HTR1E: variants seen among roughly 807,000 people sequenced by gnomAD.
HTR1E encodes the protein 5-hydroxytryptamine receptor 1E.
A neutral mutation model predicts 3.4 loss-of-function variants in HTR1E; 3 were observed. The ratio of observed to expected loss-of-function variants is 0.89; its 90% confidence interval spans 0.41 to 2.31. HTR1E has a LOEUF of 2.31. HTR1E is among the 30% of genes most tolerant of loss of function. HTR1E has a pLI of 0.05. For synonymous variants in HTR1E, 170 were observed against 182.8 expected (o/e 0.93, Z 0.56); for missense variants, 392 against 467.0 (o/e 0.84, Z 1.48).
intron 1 of HTR1E, among the ~76,000 whole-genome samples, chr6:86,981,799 A>T (rs535982999): frequency 1.3e-5 from 2 of 152,356 alleles, no homozygotes; most frequent in African/African-American, 4.8e-5. Context: ...AAATTAACCA[A>T]AGACACTACC....
intron 1 of HTR1E, among the ~76,000 whole-genome samples, chr6:86,978,992 C>T (rs1323904359): frequency 6.6e-6 from 1 of 152,156 alleles, no homozygotes; most frequent in African/African-American, 2.4e-5. Flanking sequence ...TGTTCTTTGA[C>T]AGCAATGTAC....
intron 1 of HTR1E, among the ~76,000 whole-genome samples, chr6:87,010,365 C>T (rs1168733473): frequency 3.3e-5 from 4 of 119,640 alleles, no homozygotes; most frequent in African/African-American, 6.4e-5. Flanking sequence ...GGGCGGGGGG[C>T]TGACCCCCCC....
rs549206096 is a variant in HTR1E at position 86,984,753 on chromosome 6, T to C, written c.-185-30397T>C. Among the ~76,000 whole-genome samples, 16 of 152,330 alleles carry C rather than the reference T, an allele frequency of 1.1e-4. No individual in the cohort carries two copies. The East Asian group carries it at 2.5e-3, about 24-fold the overall frequency. On this transcript the variant is annotated intron_variant, in intron 1 of 1. Transcript: ENST00000305344. ...GGTCCCACAGGGTCTCATAATCTTC[T>C]GCATTTTGCCAGTGGAAGAAGAAAG...
chr6:87,014,119 G>T (rs1281491632), intron 1 of HTR1E, among the ~76,000 whole-genome samples: 1 of 152,040 alleles, frequency 6.6e-6, no homozygotes, highest in Non-Finnish European at 1.5e-5. Context: ...GTGGGGTCGG[G>T]GGACGGGGGA....
chr6:86,987,327 G>A (rs1767803298), intron 1 of HTR1E, among the ~76,000 whole-genome samples: 2 of 152,030 alleles, frequency 1.3e-5, no homozygotes, highest in Admixed American at 1.3e-4. Flanking sequence ...GCTCTCCAAG[G>A]CACACAAGTC....
At chr6:86,946,431 A>G (rs746141228) in intron 1 of HTR1E, among the ~76,000 whole-genome samples, 5 of 152,250 alleles carry the variant, frequency 3.3e-5, no homozygotes, top group Non-Finnish European at 7.3e-5. Flanking sequence ...CACATAGCCT[A>G]GGTGTGCAGT....
intron 1 of HTR1E, among the ~76,000 whole-genome samples, chr6:86,961,648 G>A (rs534203624): frequency 1.3e-5 from 2 of 152,344 alleles, no homozygotes; most frequent in South Asian, 4.1e-4. Context: ...CTCTGACTCG[G>A]TGAAGAAACA....
chr6:86,954,379 G>GT (rs1400343528), intron 1 of HTR1E, among the ~76,000 whole-genome samples: 1 of 152,130 alleles, frequency 6.6e-6, no homozygotes, highest in Non-Finnish European at 1.5e-5. Flanking sequence ...CTAGAGGCCT[G>GT]CCCCACAAAT....
At chr6:87,007,220 C>A (rs1582283045) in intron 1 of HTR1E, among the ~76,000 whole-genome samples, 1 of 152,128 alleles carries the variant, frequency 6.6e-6, no homozygotes. Context: ...ATAAGCCAGG[C>A]ACAGGAAGAC....
In HTR1E at chr6:86,961,912, T is replaced by C. The variant is rs192026058; in HGVS notation, c.-186+24089T>C. Among the ~76,000 whole-genome samples the C allele has an allele frequency of 2.1e-3, 319 of 152,356 alleles. 1 individual carries two copies. Among genetic ancestry groups the C allele is most frequent in the South Asian group, 0.017 (82 of 4,826 alleles). On this transcript the variant is annotated intron_variant, in intron 1 of 1. Transcript: ENST00000305344. Reference sequence around the variant, plus strand: ...GCAGAACTTCATCTGAGTAATCCCTTTTAAATCTGAGCCCTCCAGTTACTC... The same window carrying C: ...GCAGAACTTCATCTGAGTAATCCCTCTTAAATCTGAGCCCTCCAGTTACTC...
intron 1 of HTR1E, among the ~76,000 whole-genome samples, chr6:86,994,974 A>G (rs915400271): frequency 6.6e-6 from 1 of 152,176 alleles, no homozygotes; most frequent in South Asian, 2.1e-4. Context: ...AGCTCTACAA[A>G]GAGGTAAATC....
rs201218963 is a variant in HTR1E at position 86,964,298 on chromosome 6, C to CT, written c.-186+26477dup. Among the ~76,000 whole-genome samples the CT allele has an allele frequency of 1.4e-4, 21 of 146,730 alleles. No homozygotes were observed. In the East Asian group the frequency reaches 4.3e-3, roughly 30 times the overall value. On this transcript the variant is annotated intron_variant, in intron 1 of 1. Transcript: ENST00000305344. ...CAAATCAGGAATATTTACAATTATC[C>CT]TTAAAAATCCTACATATTGCTCATA... is the stretch of plus-strand genomic sequence containing the variant.
intron 1 of HTR1E, among the ~76,000 whole-genome samples, chr6:86,943,404 G>A (rs1451414697): frequency 6.6e-6 from 1 of 152,174 alleles, no homozygotes; most frequent in Non-Finnish European, 1.5e-5. Context: ...TGAAGCACAG[G>A]CCCAACTCTA....
At chr6:86,960,506 G>A (rs1767390697) in intron 1 of HTR1E, among the ~76,000 whole-genome samples, 1 of 151,686 alleles carries the variant, frequency 6.6e-6, no homozygotes, top group South Asian at 2.1e-4. Flanking sequence ...ATTCCACCTG[G>A]TGAACTTCAC....
intron 1 of HTR1E, among the ~76,000 whole-genome samples, chr6:86,995,325 A>AATAAATAAATAT (rs1225538770): frequency 4.0e-5 from 6 of 150,388 alleles, no homozygotes; most frequent in African/African-American, 1.5e-4. Context: ...TAAATAAATA[A>AATAAATAAATAT]AGGTCTACAT....
At chr6:86,945,675 A>G (rs1768606058) in intron 1 of HTR1E, among the ~76,000 whole-genome samples, 1 of 152,188 alleles carries the variant, frequency 6.6e-6, no homozygotes, top group African/African-American at 2.4e-5. Flanking sequence ...GCTATTACAA[A>G]AAGAGTCAAA....
intron 1 of HTR1E, among the ~76,000 whole-genome samples, chr6:86,965,456 C>T (rs1222103027): frequency 1.3e-5 from 2 of 151,706 alleles, no homozygotes; most frequent in Non-Finnish European, 2.9e-5. Flanking sequence ...TTTTTAATAC[C>T]GGTGCCTAGC....
intron 1 of HTR1E, among the ~76,000 whole-genome samples, chr6:86,960,605 G>T (rs1156984829): frequency 6.6e-6 from 1 of 152,130 alleles, no homozygotes; most frequent in Non-Finnish European, 1.5e-5. Context: ...AGTGGGTGGG[G>T]GAAGTGAATC....
intron 1 of HTR1E, among the ~76,000 whole-genome samples, chr6:87,012,856 TAGG>T (rs1040624978): frequency 7.2e-5 from 11 of 152,166 alleles, no homozygotes; most frequent in African/African-American, 2.7e-4. Flanking sequence ...AGAACATGCT[TAGG>T]ATTACACTGC....
Sources: allele counts gnomAD v4.1 joint callset (sites outside exome capture counted in the v4.1 genomes callset), GRCh38; gene constraint gnomAD v4.1.1; transcripts MANE v1.5; gene names NCBI Gene and HGNC (gene_info 2026-07-23, HGNC 2026-07-21).